The following PEAK1 variants were observed in gnomAD, a reference collection of about 807,000 sequenced individuals.
PEAK1 encodes the protein pseudopodium enriched atypical kinase 1, also known as inactive tyrosine-protein kinase PEAK1.
Under a neutral mutation model 124.7 loss-of-function variants are expected in PEAK1, and 54 were observed. That is an observed-to-expected ratio of 0.43 (90% CI 0.35 to 0.54). PEAK1 has a LOEUF of 0.54. Among genes scored for constraint, PEAK1 ranks in the 20% least tolerant of loss-of-function variants. PEAK1 has a pLI of 0.01. For synonymous variants in PEAK1, 719 were observed against 760.0 expected (o/e 0.95, Z 0.89); for missense variants, 2,046 against 2,134.5 (o/e 0.96, Z 0.82).
intron 2 of PEAK1, among the ~76,000 whole-genome samples, chr15:77,293,281 A>G (rs1040971366): frequency 1.3e-5 from 2 of 152,222 alleles, no homozygotes; most frequent in Admixed American, 6.5e-5. Flanking sequence ...TTAAAAACCC[A>G]AACCTAATCA....
intron 2 of PEAK1, chr15:77,337,920 T>C (rs2066299228): frequency 1.0e-6 from 1 of 984,618 alleles, no homozygotes; most frequent in Non-Finnish European, 1.2e-6. Flanking sequence ...AATCTGTCAA[T>C]AATTTGGGGG....
intron 2 of PEAK1, among the ~76,000 whole-genome samples, chr15:77,287,166 G>A (rs2062972546): frequency 6.6e-6 from 1 of 152,120 alleles, no homozygotes; most frequent in Non-Finnish European, 1.5e-5. Flanking sequence ...GGAAGAGAAG[G>A]ATGTTCAACT....
At chr15:77,124,156 C>A (rs1366491193) in intron 9 of PEAK1, among the ~76,000 whole-genome samples, 1 of 152,222 alleles carries the variant, frequency 6.6e-6, no homozygotes, top group East Asian at 1.9e-4. Flanking sequence ...TCTGCACAAG[C>A]CCTCTGCAAC....
chr15:77,179,256 T>C lies in PEAK1; in HGVS notation c.2671A>G (p.Thr891Ala), dbSNP rs760119010. ...HAGNLLQRHF[T>A]NWTKPTSPTR... ...GGGCTGGTTGGCTTGGTCCAGTTGG[T>C]GAAATGCCTCTGCAAAAGGTTACCT... is the stretch of plus-strand genomic sequence containing the variant. Residue 891 changes from threonine (T) to alanine (A), a missense_variant, in exon 7 of 10, where the codon ACC (threonine) becomes GCC (alanine). Physicochemically the swap from Thr to Ala is moderately conservative, Grantham distance 58. Transcript: ENST00000682557. 8 of 1,613,928 alleles carry C rather than the reference T, an allele frequency of 5.0e-6. No homozygotes were observed. The Admixed American group carries it at 6.7e-5, about 13-fold the overall frequency.
chr15:77,200,935 T>G (rs867186451), intron 6 of PEAK1, among the ~76,000 whole-genome samples: 8 of 152,046 alleles, frequency 5.3e-5, no homozygotes, highest in Admixed American at 2.6e-4. Flanking sequence ...ACATATAGAC[T>G]CATACTTTAC....
At chr15:77,136,227 G>A (rs2053311435) in intron 8 of PEAK1, among the ~76,000 whole-genome samples, 2 of 152,054 alleles carry the variant, frequency 1.3e-5, no homozygotes, top group South Asian at 4.1e-4. Flanking sequence ...ATTTGGCCCT[G>A]CCCTAGAGAT....
rs867740788 is a variant in PEAK1, at chr15:77,364,005, C to T, written c.-603+1158G>A. 7.3e-4 allele frequency among the ~76,000 whole-genome samples: 111 copies of T among 151,944 alleles called. 1 individual carries two copies. The highest frequency in any genetic ancestry group is 2.6e-3 in the African/African-American group (106 of 41,460). ...CTTGAGGTTAGGAGGTCAAGACCAGCCTGGACAACATGGTGAAACCCTGTC... is the reference window on the plus strand; with the variant it reads ...CTTGAGGTTAGGAGGTCAAGACCAGTCTGGACAACATGGTGAAACCCTGTC... On this transcript the variant is annotated intron_variant, in intron 2 of 9. Coordinates refer to ENST00000682557, the MANE Select transcript of PEAK1 (RefSeq NM_001385026.1).
intron 2 of PEAK1, among the ~76,000 whole-genome samples, chr15:77,325,876 T>C (rs2065541612): frequency 6.6e-6 from 1 of 152,112 alleles, no homozygotes; most frequent in Non-Finnish European, 1.5e-5. Context: ...TTGGTTACCT[T>C]ATATAAAGTT....
At chr15:77,389,050 C>A (rs1243000522) in intron 1 of PEAK1, among the ~76,000 whole-genome samples, 1 of 150,038 alleles carries the variant, frequency 6.7e-6, no homozygotes, top group African/African-American at 2.5e-5. Flanking sequence ...GCAACCTATG[C>A]TTCCTGGGCT....
intron 2 of PEAK1, among the ~76,000 whole-genome samples, chr15:77,330,597 T>C (rs35834995): frequency 0.074 from 11,282 of 152,236 alleles, 548 homozygotes; most frequent in Non-Finnish European, 0.1. Flanking sequence ...CTGACCTCCT[T>C]ACTCTTGCTG....
intron 2 of PEAK1, among the ~76,000 whole-genome samples, chr15:77,340,954 CTTT>C (rs530345918): frequency 7.0e-6 from 1 of 143,086 alleles, no homozygotes; most frequent in Non-Finnish European, 1.5e-5. Context: ...ACAATTATAG[CTTT>C]TTTTTTTTTT....
intron 6 of PEAK1, among the ~76,000 whole-genome samples, chr15:77,202,611 T>C (rs1224219021): frequency 7.0e-6 from 1 of 143,154 alleles, no homozygotes; most frequent in Non-Finnish European, 1.5e-5. Context: ...CTAAAAAAAA[T>C]AAAAAAAAAA....
intron 6 of PEAK1, among the ~76,000 whole-genome samples, chr15:77,238,824 T>C (rs2060236144): frequency 6.6e-6 from 1 of 152,160 alleles, no homozygotes; most frequent in African/African-American, 2.4e-5. Flanking sequence ...AAGAAAAAAC[T>C]GTGAAGGTAG....
At position 77,181,094 on chromosome 15, in the gene PEAK1, T is replaced by C. The variant is rs561258663; in HGVS notation, c.833A>G (p.Asn278Ser). 3 of 1,614,232 alleles carry C rather than the reference T, an allele frequency of 1.9e-6. No individual in the cohort carries two copies. The highest frequency in any genetic ancestry group is 2.2e-5 in the East Asian group (1 of 44,890). ...AAAGAATCGAACAGGAGACAATGTG[T>C]TTGCTCTGAAGTTGGCAAAGCGAGG... Reference protein sequence around the residue: ...GQPRFANFRANTLSPVRFFVD... With the variant: ...GQPRFANFRASTLSPVRFFVD... The change falls in exon 7 of 10, where the codon AAC becomes AGC. Residue 278 changes from asparagine to serine, a missense_variant. Coordinates refer to ENST00000682557, the MANE Select transcript of PEAK1 (RefSeq NM_001385026.1).
At chr15:77,418,739 T>A in intron 1 of PEAK1, 1 of 985,426 alleles carries the variant, frequency 1.0e-6, no homozygotes, top group Non-Finnish European at 1.2e-6. Flanking sequence ...TTTACCCCGG[T>A]GGATAATTCA....
intron 6 of PEAK1, among the ~76,000 whole-genome samples, chr15:77,250,617 C>G (rs867741836): frequency 6.6e-6 from 1 of 151,634 alleles, no homozygotes; most frequent in Non-Finnish European, 1.5e-5. Context: ...TTATTTTTAG[C>G]AGAGATAGGG....
chr15:77,316,222 T>C (rs577753604), intron 2 of PEAK1, among the ~76,000 whole-genome samples: 1 of 152,318 alleles, frequency 6.6e-6, no homozygotes, highest in East Asian at 1.9e-4. Flanking sequence ...AGGTTTAGTT[T>C]TTCTATTTTA....
chr15:77,299,101 G>T (rs771541662), intron 2 of PEAK1, among the ~76,000 whole-genome samples: 23 of 152,090 alleles, frequency 1.5e-4, no homozygotes, highest in Admixed American at 4.6e-4. Context: ...AGTTTCCAAG[G>T]TTATTTATAA....
At chr15:77,324,406 A>T (rs1044886158) in intron 2 of PEAK1, among the ~76,000 whole-genome samples, 1 of 152,174 alleles carries the variant, frequency 6.6e-6, no homozygotes, top group Non-Finnish European at 1.5e-5. Flanking sequence ...ACTTGAATCC[A>T]GAAGGCGGAG....
Sources: allele counts gnomAD v4.1 joint callset (sites outside exome capture counted in the v4.1 genomes callset), GRCh38; gene constraint gnomAD v4.1.1; transcripts MANE v1.5; gene names NCBI Gene and HGNC (gene_info 2026-07-23, HGNC 2026-07-21).